The following ECRG4 variants were observed in gnomAD, a reference collection of about 807,000 sequenced individuals.
ECRG4 encodes the protein ECRG4 augurin precursor, also known as augurin.
Under a neutral mutation model 15.8 loss-of-function variants are expected in ECRG4, and 18 were observed. That is an observed-to-expected ratio of 1.14 (90% confidence interval 0.79 to 1.69). The LOEUF (loss-of-function observed/expected upper bound fraction) is 1.69, where lower values mean the gene tolerates loss of function less well. ECRG4 is among the 40% of genes most tolerant of loss of function. The pLI is 0.00. For synonymous variants in ECRG4, 82 were observed against 73.9 expected (o/e 1.11, Z -0.56); for missense variants, 200 against 190.9 (o/e 1.05, Z -0.28).
chr2:106,069,999 C>T (rs1676328314), intron 1 of ECRG4, among the ~76,000 whole-genome samples: 1 of 152,168 alleles, frequency 6.6e-6, no homozygotes, highest in Admixed American at 6.5e-5. Flanking sequence ...TCTTAGCTGG[C>T]CACCCAGCAG....
At chr2:106,071,036 C>CAGA (rs1676354870) in intron 1 of ECRG4, 1 of 470,962 alleles carries the variant, frequency 2.1e-6, no homozygotes, top group Admixed American at 2.3e-5. Context: ...TTGAGCTGAT[C>CAGA]AGAAACACTT....
chr2:106,072,858 G>T (rs1676401178), intron 2 of ECRG4, among the ~76,000 whole-genome samples: 1 of 152,216 alleles, frequency 6.6e-6, no homozygotes, highest in African/African-American at 2.4e-5. Context: ...CGCCCTCACA[G>T]AGCCAGTTTG....
At chr2:106,066,801 T>A (rs1174157506) in intron 1 of ECRG4, among the ~76,000 whole-genome samples, 1 of 152,084 alleles carries the variant, frequency 6.6e-6, no homozygotes, top group African/African-American at 2.4e-5. Flanking sequence ...GAAACTGAAC[T>A]CGAGGTGAGA....
At chr2:106,066,512 A>G (rs1676218725) in intron 1 of ECRG4, among the ~76,000 whole-genome samples, 1 of 152,242 alleles carries the variant, frequency 6.6e-6, no homozygotes, top group African/African-American at 2.4e-5. Context: ...TTTAGGAACC[A>G]TAATCTGAAG....
chr2:106,071,753 G>A (rs1402066760), intron 1 of ECRG4, 91 bp from the exon 2 acceptor site: 8 of 1,020,174 alleles, frequency 7.8e-6, no homozygotes, highest in South Asian at 4.3e-5. Context: ...GCAGGGGCCC[G>A]CAGTTCTTTT....
intron 1 of ECRG4, among the ~76,000 whole-genome samples, chr2:106,068,937 G>A (rs547424419): frequency 9.9e-5 from 15 of 152,218 alleles, no homozygotes; most frequent in African/African-American, 3.1e-4. Context: ...ATGCTCAGAC[G>A]CCTCCAGCAA....
chr2:106,073,911 G>T lies in ECRG4; in HGVS notation c.153G>T (p.Val51=). Residue 51 remains valine (V), a synonymous_variant, in exon 3 of 4, where the codon GTG becomes GTT. Coordinates refer to ENST00000238044, the MANE Select transcript of ECRG4 (RefSeq NM_032411.3). ...REAPVPTKTK[V]AVDENKAKEF... ...CACCTGTTCCAACTAAGACTAAAGT[G>T]GCCGTTGATGAGAATAAAGCCAAAG... 1 of 1,614,254 alleles carries T rather than the reference G, an allele frequency of 6.2e-7. No homozygotes were observed. The highest frequency in any genetic ancestry group is 8.5e-7 in the Non-Finnish European group (1 of 1,180,044).
At chr2:106,074,169 T>C in intron 3 of ECRG4, 126 bp downstream of exon 3, 2 of 1,100,222 alleles carry the variant, frequency 1.8e-6, no homozygotes, top group Non-Finnish European at 2.6e-6. Flanking sequence ...AAGAGCCCCA[T>C]CATATGCCAA....
intron 3 of ECRG4, among the ~76,000 whole-genome samples, chr2:106,075,327 A>G (rs978687096): frequency 1.3e-5 from 2 of 152,256 alleles, no homozygotes; most frequent in African/African-American, 4.8e-5. Flanking sequence ...CTCATTGAAA[A>G]TTAAAAGTAT....
At chr2:106,075,041 T>C (rs1487143647) in intron 3 of ECRG4, among the ~76,000 whole-genome samples, 1 of 151,748 alleles carries the variant, frequency 6.6e-6, no homozygotes, top group African/African-American at 2.4e-5. Flanking sequence ...TCTGTGCAAA[T>C]AGGTAAACAT....
At chr2:106,064,368 T>G (rs1392005195), upstream of ECRG4, 2 of 152,214 alleles carry the variant, frequency 1.3e-5, no homozygotes, top group Non-Finnish European at 2.9e-5. Context: ...AGACAGTAAG[T>G]GCTTACCACT....
intron 1 of ECRG4, 77 bp from the exon 2 acceptor site, chr2:106,071,767 C>A: frequency 8.0e-7 from 1 of 1,251,584 alleles, no homozygotes. Context: ...TTCTTTTCTC[C>A]CACTCTGATT....
chr2:106,074,045 T>C lies in ECRG4; in HGVS notation c.285+2T>C. The C allele has an allele frequency of 1.9e-6, 3 of 1,611,754 alleles. No individual in the cohort carries two copies. Among genetic ancestry groups the C allele is most frequent in the Non-Finnish European group, 2.5e-6 (3 of 1,179,284 alleles). ...CTCTACATGGGCTTTGACGAAGCGG[T>C]AGGTGTTGCCTCCGGCTGCAGGCCT... On this transcript the variant is annotated splice_donor_variant, in intron 3 of 3. Transcript: ENST00000238044. LOFTEE classifies it high-confidence loss of function.
intron 1 of ECRG4, among the ~76,000 whole-genome samples, chr2:106,069,077 A>C (rs1676283793): frequency 1.3e-5 from 2 of 149,206 alleles, no homozygotes; most frequent in South Asian, 2.2e-4. Context: ...CTCCTCCCAC[A>C]AGTTTCCTTC....
chr2:106,072,615 C>T (rs1676394787), intron 2 of ECRG4, among the ~76,000 whole-genome samples: 1 of 152,244 alleles, frequency 6.6e-6, no homozygotes, highest in South Asian at 2.1e-4. Flanking sequence ...GCTGAACTTC[C>T]TCCCTGAAGT....
In ECRG4 at chr2:106,065,858, G is replaced by T. The variant is rs1282643072; in HGVS notation, c.79+15G>T. On this transcript the variant is annotated intron_variant, in intron 1 of 3. Coordinates refer to ENST00000238044, the MANE Select transcript of ECRG4 (RefSeq NM_032411.3). The stretch of plus-strand genomic sequence containing the variant: ...CTGGGGCCCAGGTGAGCGGGGCGAT[G>T]CCAGGCTGATTGATAGCGGCACCAG... 6.8e-7 allele frequency: 1 copy of T among 1,469,938 alleles called. No homozygotes were observed. Among genetic ancestry groups the T allele is most frequent in the South Asian group, 1.3e-5 (1 of 75,228 alleles). The allele number at this position is 1,469,938 out of a possible 1,614,324, so 91.1% of individuals were successfully genotyped here.
At position 106,069,237 on chromosome 2, in the gene ECRG4, TTTTC is replaced by T. The variant is rs201294576; in HGVS notation, c.80-2596_80-2593del. Among the ~76,000 whole-genome samples the T allele has an allele frequency of 3.6e-3, 517 of 145,448 alleles. 4 individuals carry two copies. Among genetic ancestry groups the T allele is most frequent in the East Asian group, 0.012 (59 of 5,116 alleles). On this transcript the variant is annotated intron_variant, in intron 1 of 3. Coordinates refer to ENST00000238044, the MANE Select transcript of ECRG4 (RefSeq NM_032411.3). ...CTTTTCTTTCTTCTTTCCTTCTTTC[TTTTC>T]TTTCTTTCTTCTTTCTCTTTCCTTT...
At chr2:106,071,322 T>TAAAAAAAAAAAAAAAAAAAAAA (rs10649647) in intron 1 of ECRG4, among the ~76,000 whole-genome samples, 105 of 78,314 alleles carry the variant, frequency 1.3e-3, no homozygotes, top group African/African-American at 1.8e-3. Flanking sequence ...GGTAAGGCTG[T>TAAAAAAAAAAAAAAAAAAAAAA]AAAAAAAAAA....
chr2:106,065,033 T>G (rs540449086), upstream of ECRG4, among the ~76,000 whole-genome samples: 23 of 152,218 alleles, frequency 1.5e-4, 1 homozygote, highest in South Asian at 4.8e-3. Context: ...GGCACCAGGT[T>G]CCTGGTTTCT....
Sources: gnomAD v4.1 joint callset for allele counts (sites outside exome capture counted in the v4.1 genomes callset) on GRCh38, gnomAD v4.1.1 for gene constraint, MANE v1.5 for transcripts, NCBI Gene and HGNC (gene_info 2026-07-23, HGNC 2026-07-21) for gene names.